LARGE1: variants seen among roughly 807,000 people sequenced by gnomAD.
LARGE1 encodes the protein xylosyl- and glucuronyltransferase LARGE1.
LARGE1 carries 43 observed loss-of-function variants against 87.6 expected under a neutral mutation model. The observed-to-expected ratio is 0.49, with a 90% confidence interval of 0.38 to 0.63. The LOEUF is 0.63. Among genes scored for constraint, LARGE1 ranks in the 30% least tolerant of loss-of-function variants. The probability of loss-of-function intolerance (pLI) is 0.00; values close to 1 mark genes in which losing one functional copy is unlikely to be tolerated. For missense variants in LARGE1, 802 were observed against 1,000.2 expected, an observed-to-expected ratio of 0.80 and a Z score of 2.67; for synonymous variants, 434 against 394.6, an observed-to-expected ratio of 1.10 and a Z score of -1.18.
intron 7 of LARGE1, among the ~76,000 whole-genome samples, chr22:33,395,373 A>C (rs1296325653): frequency 6.6e-6 from 1 of 152,124 alleles, no homozygotes; most frequent in Non-Finnish European, 1.5e-5. Flanking sequence ...TATTCAACTC[A>C]GGACACTGTG....
At chr22:33,106,721 C>T in the LARGE1 span, among the ~76,000 whole-genome samples, 8 of 152,176 alleles carry the variant, frequency 5.3e-5, no homozygotes, top group Admixed American at 5.2e-4. Flanking sequence ...GTCTTGAACT[C>T]CTGAAGTCAG....
chr22:33,796,210 T>C (rs1569450280), intron 1 of LARGE1, among the ~76,000 whole-genome samples: 1 of 152,168 alleles, frequency 6.6e-6, no homozygotes, highest in South Asian at 2.1e-4. Flanking sequence ...AATTAAGAGT[T>C]TGAGTATTAC....
intron 12 of LARGE1, among the ~76,000 whole-genome samples, chr22:33,294,860 G>C (rs1435750202): frequency 2.0e-5 from 3 of 152,182 alleles, no homozygotes; most frequent in African/African-American, 7.2e-5. Flanking sequence ...GCGGTAGAGA[G>C]GATGGGACTG....
intron 6 of LARGE1, among the ~76,000 whole-genome samples, chr22:33,540,742 G>A (rs2077168544): frequency 6.6e-6 from 1 of 152,014 alleles, no homozygotes; most frequent in South Asian, 2.1e-4. Flanking sequence ...GGGTAGACCT[G>A]GGCATCATTA....
intron 1 of LARGE1, among the ~76,000 whole-genome samples, chr22:33,767,573 T>C (rs2145786854): frequency 6.6e-6 from 1 of 151,950 alleles, no homozygotes; most frequent in Non-Finnish European, 1.5e-5. Flanking sequence ...CTAGTTACCA[T>C]TTGAGAGACT....
intron 1 of LARGE1, among the ~76,000 whole-genome samples, chr22:33,854,061 A>G (rs982184665): frequency 3.3e-5 from 5 of 152,130 alleles, no homozygotes; most frequent in Non-Finnish European, 7.4e-5. Flanking sequence ...TAAATTGCCT[A>G]TTGTGGATTA....
chr22:33,782,633 G>A (rs1181363582), intron 1 of LARGE1, among the ~76,000 whole-genome samples: 2 of 152,062 alleles, frequency 1.3e-5, no homozygotes, highest in African/African-American at 4.8e-5. Context: ...TTGGGAGGCC[G>A]AGGCGGGCGC....
At chr22:33,439,547 T>TG (rs1264392895) in intron 6 of LARGE1, among the ~76,000 whole-genome samples, 1 of 152,102 alleles carries the variant, frequency 6.6e-6, no homozygotes, top group African/African-American at 2.4e-5. Flanking sequence ...AACATGCTGG[T>TG]GCTCCCCAAC....
intron 6 of LARGE1, among the ~76,000 whole-genome samples, chr22:33,443,969 T>C (rs1372126217): frequency 6.6e-6 from 1 of 152,246 alleles, no homozygotes; most frequent in Non-Finnish European, 1.5e-5. Context: ...TTTGGATTTG[T>C]CTTTTTTAAA....
At position 33,604,315 on chromosome 22, in the gene LARGE1, C is replaced by T. The variant is rs139006556; in HGVS notation, c.615+120G>A. 486 of 1,316,964 alleles carry T rather than the reference C, an allele frequency of 3.7e-4. No individual in the cohort carries two copies. The African/African-American group carries it at 4.9e-3, about 13-fold the overall frequency. 81.6% of individuals were successfully genotyped at this position (1,316,964 alleles called of 1,614,324 possible). A position where few individuals can be genotyped will look rare whatever the true frequency, so the allele number is the denominator to read the frequency against. ...ATTCTGCTGGCAAACAACTTCCTTA[C>T]GCCCTACACATTTTCAGTTAGGAGC... On this transcript the variant is annotated intron_variant, in intron 5 of 14. Transcript: ENST00000397394.
At chr22:33,715,512 C>A (rs1403256779) in intron 2 of LARGE1, among the ~76,000 whole-genome samples, 1 of 152,170 alleles carries the variant, frequency 6.6e-6, no homozygotes, top group Non-Finnish European at 1.5e-5. Flanking sequence ...TTTTAAACTG[C>A]AAAACAAACA....
intron 1 of LARGE1, among the ~76,000 whole-genome samples, chr22:33,811,679 C>T (rs2086499295): frequency 6.6e-6 from 1 of 152,158 alleles, no homozygotes; most frequent in South Asian, 2.1e-4. Context: ...CTGGGAACAG[C>T]TTTATTACGT....
intron 7 of LARGE1, among the ~76,000 whole-genome samples, chr22:33,406,925 T>C (rs1025790344): frequency 1.3e-5 from 2 of 152,070 alleles, no homozygotes; most frequent in African/African-American, 4.8e-5. Context: ...CCCAAGGAGC[T>C]GGGATTACAG....
intron 11 of LARGE1, among the ~76,000 whole-genome samples, chr22:33,191,785 C>T (rs1017856923): frequency 1.4e-5 from 2 of 147,962 alleles, no homozygotes; most frequent in East Asian, 1.9e-4. Context: ...AAATACATTA[C>T]AGGAACTAAA....
Position 33,890,624 on chromosome 22 carries a change from T to G in LARGE1, c.-83+29371A>C, listed in dbSNP as rs575489301. 2.6e-5 allele frequency among the ~76,000 whole-genome samples: 4 copies of G among 152,296 alleles called. 1 individual carries two copies. In the South Asian group the frequency reaches 8.3e-4, roughly 32 times the overall value. On this transcript the variant is annotated intron_variant, in intron 1 of 14. Coordinates refer to ENST00000397394, the MANE Select transcript of LARGE1 (RefSeq NM_133642.5). ...AATTGTTTCAAAAACCAAGAATCAC[T>G]GCACATAATGCTGTCAAGGTTTAAA...
chr22:33,542,724 A>G (rs529844454), intron 6 of LARGE1, among the ~76,000 whole-genome samples: 1 of 151,652 alleles, frequency 6.6e-6, no homozygotes, highest in African/African-American at 2.4e-5. Flanking sequence ...TTTGCATCAG[A>G]TCCATAGACC....
chr22:33,918,296 A>G (rs1403113095), intron 1 of LARGE1, among the ~76,000 whole-genome samples: 3 of 152,190 alleles, frequency 2.0e-5, no homozygotes, highest in Non-Finnish European at 4.4e-5. Context: ...GTCAGCAGCT[A>G]CTGCTCACTC....
chr22:33,300,906 G>A (rs182752503), intron 12 of LARGE1, among the ~76,000 whole-genome samples: 8 of 152,252 alleles, frequency 5.3e-5, no homozygotes, highest in Admixed American at 2.6e-4. Flanking sequence ...GAATTCCTGG[G>A]TTCAAGCAAT....
intron 1 of LARGE1, among the ~76,000 whole-genome samples, chr22:33,788,123 C>A (rs895501613): frequency 9.9e-5 from 15 of 152,160 alleles, no homozygotes; most frequent in African/African-American, 3.6e-4. Flanking sequence ...TTGTAATAAT[C>A]CCCACATGTC....
Sources: gnomAD v4.1 joint callset for allele counts (sites outside exome capture counted in the v4.1 genomes callset) on GRCh38, gnomAD v4.1.1 for gene constraint, MANE v1.5 for transcripts, NCBI Gene and HGNC (gene_info 2026-07-23, HGNC 2026-07-21) for gene names.